ZNF423: variants seen among roughly 807,000 people sequenced by gnomAD.
ZNF423 encodes Ebf-associated zinc finger protein.
A neutral mutation model predicts 95.8 loss-of-function variants in ZNF423; 12 were observed. The ratio of observed to expected loss-of-function variants is 0.13; its 90% CI spans 0.08 to 0.20. ZNF423 has a LOEUF of 0.20. Ranked by LOEUF, ZNF423 falls within the 10% of genes least tolerant of loss-of-function variation. The pLI is 1.00. For missense variants in ZNF423, 1,316 were observed against 1,737.1 expected (o/e 0.76, Z 4.31); for synonymous variants, 749 against 711.9 (o/e 1.05, Z -0.83).
chr16:49,654,321 G>A (rs1015337796), intron 3 of ZNF423, among the ~76,000 whole-genome samples: 2 of 152,202 alleles, frequency 1.3e-5, no homozygotes, highest in Non-Finnish European at 2.9e-5. Flanking sequence ...GGTGGTGGTG[G>A]GAAGGGTGGT....
chr16:49,849,309 T>C (rs568049115), intron 1 of ZNF423, among the ~76,000 whole-genome samples: 2 of 152,120 alleles, frequency 1.3e-5, no homozygotes, highest in South Asian at 4.2e-4. Flanking sequence ...AAATCTTCTG[T>C]AAGAAAAAAC....
chr16:49,611,728 T>G (rs1971730432), intron 5 of ZNF423, among the ~76,000 whole-genome samples: 1 of 151,750 alleles, frequency 6.6e-6, no homozygotes, highest in Non-Finnish European at 1.5e-5. Flanking sequence ...TTGATAAAAT[T>G]GACAATTCTT....
chr16:49,673,682 C>T (rs2030920139), intron 3 of ZNF423, among the ~76,000 whole-genome samples: 1 of 152,252 alleles, frequency 6.6e-6, no homozygotes, highest in African/African-American at 2.4e-5. Flanking sequence ...CGTATGTATG[C>T]ATGTGCACAC....
At chr16:49,811,772 G>A (rs1338059260) in intron 1 of ZNF423, among the ~76,000 whole-genome samples, 1 of 136,444 alleles carries the variant, frequency 7.3e-6, no homozygotes, top group Non-Finnish European at 1.6e-5. Context: ...GCCCCCAGAG[G>A]CCCTGTCAGC....
intron 4 of ZNF423, among the ~76,000 whole-genome samples, chr16:49,634,885 G>T (rs1467003353): frequency 6.6e-6 from 1 of 152,120 alleles, no homozygotes; most frequent in Non-Finnish European, 1.5e-5. Flanking sequence ...ACTTATCATG[G>T]GCCTGTGGCT....
chr16:49,788,959 A>G (rs2034364162), intron 2 of ZNF423, among the ~76,000 whole-genome samples: 1 of 152,230 alleles, frequency 6.6e-6, no homozygotes, highest in Non-Finnish European at 1.5e-5. Flanking sequence ...ACAGAGGTAC[A>G]GGAAAGAGCT....
intron 3 of ZNF423, among the ~76,000 whole-genome samples, chr16:49,653,311 C>CAAAAAAAAAAAA (rs5816652): frequency 3.0e-5 from 3 of 99,196 alleles, no homozygotes; most frequent in Admixed American, 1.2e-4. Flanking sequence ...CAAGAACCAC[C>CAAAAAAAAAAAA]AAAAAAAAAA....
intron 2 of ZNF423, among the ~76,000 whole-genome samples, chr16:49,744,388 C>A (rs1174178073): frequency 6.6e-6 from 1 of 152,146 alleles, no homozygotes; most frequent in East Asian, 1.9e-4. Context: ...CACACATGGC[C>A]AGGCGGGGTG....
intron 2 of ZNF423, among the ~76,000 whole-genome samples, chr16:49,755,229 TAAC>T (rs911989444): frequency 6.6e-6 from 1 of 152,042 alleles, no homozygotes; most frequent in African/African-American, 2.4e-5. Context: ...GGCAAGCAAA[TAAC>T]AAAGCAGGCG....
chr16:49,598,792 G>A (rs905534247), intron 5 of ZNF423, among the ~76,000 whole-genome samples: 1 of 152,230 alleles, frequency 6.6e-6, no homozygotes, highest in Non-Finnish European at 1.5e-5. Flanking sequence ...TGAAGTGGTC[G>A]GGGGTGATGT....
chr16:49,812,410 G>C (rs969579226), intron 1 of ZNF423, among the ~76,000 whole-genome samples: 1 of 152,194 alleles, frequency 6.6e-6, no homozygotes, highest in Non-Finnish European at 1.5e-5. Context: ...CTGGGATAAG[G>C]GGGCTGGGCA....
chr16:49,742,346 G>T (rs2033431453), intron 2 of ZNF423, among the ~76,000 whole-genome samples: 1 of 152,134 alleles, frequency 6.6e-6, no homozygotes, highest in African/African-American at 2.4e-5. Context: ...AGGGAAGAGG[G>T]GAGGAGGGAA....
At chr16:49,519,199 C>T (rs955583533) in intron 7 of ZNF423, among the ~76,000 whole-genome samples, 20 of 152,200 alleles carry the variant, frequency 1.3e-4, no homozygotes, top group Non-Finnish European at 1.9e-4. Context: ...TAAGGGACAA[C>T]GAGCAGGCCT....
intron 3 of ZNF423, among the ~76,000 whole-genome samples, chr16:49,665,203 C>T (rs549399292): frequency 1.3e-5 from 2 of 152,218 alleles, no homozygotes; most frequent in Non-Finnish European, 2.9e-5. Context: ...TGGTGGGTAG[C>T]GGCATTCAGT....
Position 49,842,843 on chromosome 16 carries a change from C to T in ZNF423, c.40+12892G>A, listed in dbSNP as rs528550744. Among the ~76,000 whole-genome samples, 6 of 151,922 alleles carry T rather than the reference C, an allele frequency of 3.9e-5. No individual in the cohort carries two copies. In the South Asian group the frequency reaches 1.3e-3, roughly 32 times the overall value. On this transcript the variant is annotated intron_variant, in intron 1 of 7. Transcript: ENST00000563137. The stretch of plus-strand genomic sequence containing the variant: ...AAAAATAAAAAATTAGCCGGGCGTA[C>T]TGGCATGTGCCTCTAGTCCCAGCTA...
chr16:49,719,055 A>G (rs2032789794), intron 3 of ZNF423, among the ~76,000 whole-genome samples: 1 of 152,176 alleles, frequency 6.6e-6, no homozygotes, highest in African/African-American at 2.4e-5. Flanking sequence ...GCAAACCTCA[A>G]ATTGGTAGTA....
intron 1 of ZNF423, among the ~76,000 whole-genome samples, chr16:49,790,766 C>G (rs371675143): frequency 7.2e-5 from 11 of 152,356 alleles, no homozygotes; most frequent in African/African-American, 2.6e-4. Flanking sequence ...GATCTAACCT[C>G]TGGGTTTCTG....
rs537245790 is a variant in ZNF423 at position 49,720,920 on chromosome 16, C to T, written c.301+9851G>A. Reference sequence around the variant, plus strand: ...GTTGTCTCCCTGGCCGCATCATGGGCGGGGGTGAGTCTTGGTCCTGGCCAT... The same window carrying T: ...GTTGTCTCCCTGGCCGCATCATGGGTGGGGGTGAGTCTTGGTCCTGGCCAT... On this transcript the variant is annotated intron_variant, in intron 3 of 7. Transcript: ENST00000563137. Among the ~76,000 whole-genome samples, 15 of 152,200 alleles carry T rather than the reference C, an allele frequency of 9.9e-5. No homozygotes were observed. In the East Asian group the frequency reaches 2.3e-3, roughly 23 times the overall value.
intron 2 of ZNF423, among the ~76,000 whole-genome samples, chr16:49,769,071 T>C (rs1319660067): frequency 1.3e-5 from 2 of 151,878 alleles, no homozygotes; most frequent in Non-Finnish European, 2.9e-5. Context: ...TCAACCTACC[T>C]CCAAAAAGAA....
Sources: gnomAD v4.1 joint callset for allele counts (sites outside exome capture counted in the v4.1 genomes callset) on GRCh38, gnomAD v4.1.1 for gene constraint, MANE v1.5 for transcripts, NCBI Gene and HGNC (gene_info 2026-07-23, HGNC 2026-07-21) for gene names.